Variants in RGS6 observed in about 807,000 individuals in gnomAD.
RGS6 encodes regulator of G-protein signaling 6.
Under a neutral mutation model 78.5 loss-of-function variants are expected in RGS6, and 30 were observed. The ratio of observed to expected loss-of-function variants is 0.38; its 90% CI spans 0.29 to 0.52. The LOEUF (loss-of-function observed/expected upper bound fraction) is 0.52. RGS6 is among the 20% of genes least tolerant of loss of function. The pLI is 0.85. For missense variants in RGS6, 495 were observed against 609.7 expected (o/e 0.81, Z 1.98); for synonymous variants, 206 against 206.0 (o/e 1.00, Z 0.00).
At chr14:72,213,479 T>C (rs1447869421) in intron 2 of RGS6, among the ~76,000 whole-genome samples, 1 of 152,196 alleles carries the variant, frequency 6.6e-6, no homozygotes, top group Non-Finnish European at 1.5e-5. Context: ...CTGTGATCAA[T>C]CTGGACAAAA....
At chr14:72,029,932 T>C (rs757891563) in intron 2 of RGS6, among the ~76,000 whole-genome samples, 3 of 152,218 alleles carry the variant, frequency 2.0e-5, no homozygotes, top group African/African-American at 7.2e-5. Context: ...TCTGCTTTCA[T>C]AGATAGAACA....
chr14:72,345,428 G>T (rs542689692), intron 2 of RGS6, among the ~76,000 whole-genome samples: 2 of 152,280 alleles, frequency 1.3e-5, no homozygotes, highest in South Asian at 4.1e-4. Context: ...AAATTAATAG[G>T]CATTTTGATC....
chr14:72,198,168 C>T (rs987592464), intron 2 of RGS6, among the ~76,000 whole-genome samples: 5 of 152,032 alleles, frequency 3.3e-5, no homozygotes, highest in African/African-American at 1.2e-4. Flanking sequence ...TAAGACCAGC[C>T]TGGTCAACAT....
intron 3 of RGS6, among the ~76,000 whole-genome samples, chr14:72,357,019 C>T (rs2080442912): frequency 6.6e-6 from 1 of 152,044 alleles, no homozygotes; most frequent in African/African-American, 2.4e-5. Context: ...GCCTGTAATC[C>T]CAGCACTTTG....
chr14:71,967,375 G>T (rs908527890), intron 2 of RGS6, among the ~76,000 whole-genome samples: 1 of 152,018 alleles, frequency 6.6e-6, no homozygotes, highest in African/African-American at 2.4e-5. Context: ...TGAACTATGG[G>T]ATTTTCATAT....
intron 2 of RGS6, among the ~76,000 whole-genome samples, chr14:72,022,749 C>T (rs1004012221): frequency 3.9e-5 from 6 of 152,184 alleles, no homozygotes; most frequent in African/African-American, 1.4e-4. Flanking sequence ...TTCCTATTAT[C>T]AGTGGGATAA....
chr14:72,108,139 A>G (rs953318905), intron 2 of RGS6, among the ~76,000 whole-genome samples: 1 of 152,172 alleles, frequency 6.6e-6, no homozygotes, highest in African/African-American at 2.4e-5. Flanking sequence ...GGAACAGAAT[A>G]CCTTGTGTTC....
intron 13 of RGS6, among the ~76,000 whole-genome samples, chr14:72,507,844 A>G (rs1229654594): frequency 6.6e-6 from 1 of 152,206 alleles, no homozygotes; most frequent in Non-Finnish European, 1.5e-5. Flanking sequence ...TCTGGTAAAG[A>G]GTAAATGGTT....
chr14:72,462,617 C>T (rs914721278), intron 6 of RGS6, among the ~76,000 whole-genome samples: 2 of 152,152 alleles, frequency 1.3e-5, no homozygotes, highest in Admixed American at 1.3e-4. Flanking sequence ...TTTTCCAGCA[C>T]CTAAAACGGT....
chr14:72,524,103 C>CA (rs1256696319), intron 15 of RGS6, among the ~76,000 whole-genome samples: 2 of 152,108 alleles, frequency 1.3e-5, no homozygotes, highest in Admixed American at 1.3e-4. Context: ...TGTGAACTCA[C>CA]AAAAATTAAT....
chr14:71,908,175 A>G, the RGS6 span: 1 of 152,248 alleles, frequency 6.6e-6, no homozygotes, highest in Non-Finnish European at 1.5e-5. Context: ...ATAATTGACA[A>G]TAGGCTCCCA....
chr14:71,987,955 G>A (rs1010008525), intron 2 of RGS6, among the ~76,000 whole-genome samples: 6 of 151,996 alleles, frequency 3.9e-5, no homozygotes, highest in Non-Finnish European at 8.8e-5. Flanking sequence ...CTGGCATATC[G>A]CACTTCCCTT....
intron 12 of RGS6, among the ~76,000 whole-genome samples, chr14:72,487,114 C>T (rs1003010724): frequency 5.3e-5 from 8 of 151,992 alleles, no homozygotes; most frequent in African/African-American, 1.4e-4. Flanking sequence ...ACTTTGCTGT[C>T]TCCTGTCTTT....
chr14:72,605,574 C>T, the RGS6 span, among the ~76,000 whole-genome samples: 47 of 152,348 alleles, frequency 3.1e-4, no homozygotes, highest in African/African-American at 9.6e-4. Context: ...CTGAGGCTTA[C>T]GACGCAGATG....
At chr14:72,446,830 T>C (rs1054037781) in intron 3 of RGS6, among the ~76,000 whole-genome samples, 3 of 152,158 alleles carry the variant, frequency 2.0e-5, no homozygotes, top group East Asian at 3.9e-4. Flanking sequence ...CAGTTCACAA[T>C]AGGGTTCATG....
At chr14:72,418,463 G>A (rs140691162) in intron 3 of RGS6, among the ~76,000 whole-genome samples, 3,089 of 152,202 alleles carry the variant, frequency 0.02, 32 homozygotes, top group Middle Eastern at 0.041. Context: ...CACCGCGCCC[G>A]GCCCGCTTCA....
At chr14:72,486,663 G>A (rs2096492883) in intron 12 of RGS6, among the ~76,000 whole-genome samples, 1 of 152,108 alleles carries the variant, frequency 6.6e-6, no homozygotes. Flanking sequence ...AATGGTGCTG[G>A]ACAGCCTAGG....
chr14:72,255,099 A>G (rs2056786695), intron 2 of RGS6, among the ~76,000 whole-genome samples: 1 of 152,042 alleles, frequency 6.6e-6, no homozygotes, highest in Non-Finnish European at 1.5e-5. Flanking sequence ...AGGCAGAGGG[A>G]GATGGGGGAT....
chr14:71,890,532 CA>C, the RGS6 span, among the ~76,000 whole-genome samples: 1 of 152,144 alleles, frequency 6.6e-6, no homozygotes, highest in Non-Finnish European at 1.5e-5. Context: ...CCCACTCTTC[CA>C]AAGGTTATTT....
Sources: gnomAD v4.1 joint callset for allele counts (sites outside exome capture counted in the v4.1 genomes callset) on GRCh38, gnomAD v4.1.1 for gene constraint, MANE v1.5 for transcripts, NCBI Gene and HGNC (gene_info 2026-07-23, HGNC 2026-07-21) for gene names.